FKBP5: variants seen among roughly 807,000 people sequenced by gnomAD.
The protein encoded by FKBP5 is peptidyl-prolyl cis-trans isomerase FKBP5.
A neutral mutation model predicts 50.5 loss-of-function variants in FKBP5; 23 were observed. The ratio of observed to expected loss-of-function variants is 0.46; its 90% CI spans 0.33 to 0.65. The LOEUF (loss-of-function observed/expected upper bound fraction) is 0.65, where lower values mean the gene tolerates loss of function less well. Among genes scored for constraint, FKBP5 ranks in the 30% least tolerant of loss-of-function variants. The probability of loss-of-function intolerance (pLI) is 0.02; values close to 1 mark genes in which losing one functional copy is unlikely to be tolerated. For missense variants in FKBP5, 411 were observed against 553.1 expected (o/e 0.74, Z 2.58); for synonymous variants, 176 against 190.6 (o/e 0.92, Z 0.63).
At chr6:35,704,869 C>A (rs370824644) in intron 2 of FKBP5, among the ~76,000 whole-genome samples, 3 of 151,684 alleles carry the variant, frequency 2.0e-5, no homozygotes, top group Non-Finnish European at 2.9e-5. Flanking sequence ...TGGCCGGGCG[C>A]GGTGGCTCAC....
upstream of FKBP5, among the ~76,000 whole-genome samples, chr6:35,690,715 G>C (rs973299071): frequency 6.6e-6 from 1 of 152,038 alleles, no homozygotes; most frequent in Non-Finnish European, 1.5e-5. Flanking sequence ...CTTAATAATA[G>C]CACATATTAG....
intron 8 of FKBP5, chr6:35,585,377 G>A: frequency 1.0e-6 from 1 of 980,582 alleles, no homozygotes; most frequent in Middle Eastern, 5.3e-4. Context: ...ACCTCAATTA[G>A]AATTAAAAAC....
intron 1 of FKBP5, among the ~76,000 whole-genome samples, chr6:35,679,779 G>A (rs1765618283): frequency 6.6e-6 from 1 of 152,080 alleles, no homozygotes; most frequent in Non-Finnish European, 1.5e-5. Context: ...GAAGAGGGCA[G>A]GGGAAAGGAA....
In FKBP5 at chr6:35,574,162, T is replaced by TATCA. The variant is rs1282162299; in HGVS notation, c.*1669_*1672dup. 2.6e-5 allele frequency: 4 copies of TATCA among 152,184 alleles called. No homozygotes were observed. Among genetic ancestry groups the TATCA allele is most frequent in the East Asian group, 1.9e-4 (1 of 5,198 alleles). 9.4% of individuals were successfully genotyped at this position (152,184 alleles called of 1,614,324 possible). A position where few individuals can be genotyped will look rare whatever the true frequency, so the allele number is the denominator to read the frequency against. On this transcript the variant is annotated 3_prime_UTR_variant, in exon 11 of 11. Coordinates refer to ENST00000357266, the MANE Select transcript of FKBP5 (RefSeq NM_004117.4). ...AATGAGAAATTAGAGGGATTTTAGT[T>TATCA]ATCATTAAAGGAAAAAACTCACAAA...
chr6:35,602,771 G>A (rs1421211382), intron 5 of FKBP5, among the ~76,000 whole-genome samples: 3 of 152,280 alleles, frequency 2.0e-5, no homozygotes, highest in Admixed American at 1.3e-4. Context: ...ATTGCTTACA[G>A]AACTGACGGA....
intron 6 of FKBP5, among the ~76,000 whole-genome samples, chr6:35,592,441 C>T (rs1462865618): frequency 1.3e-5 from 2 of 152,040 alleles, no homozygotes; most frequent in South Asian, 2.1e-4. Flanking sequence ...GAATGAGGAG[C>T]GGGGCAAAGG....
chr6:35,632,787 G>A (rs1401907847), intron 3 of FKBP5, among the ~76,000 whole-genome samples: 3 of 151,984 alleles, frequency 2.0e-5, no homozygotes, highest in African/African-American at 7.2e-5. Context: ...TACTTGGGAG[G>A]CTGAGGCAGG....
At chr6:35,685,910 A>T (rs1440009701) in intron 1 of FKBP5, among the ~76,000 whole-genome samples, 1 of 143,518 alleles carries the variant, frequency 7.0e-6, no homozygotes, top group East Asian at 2.2e-4. Context: ...TGAACCCGGG[A>T]GGCAGAGGTT....
At chr6:35,586,937 A>T (rs1180135709) in intron 8 of FKBP5, 97 bp downstream of exon 8, 1 of 1,582,390 alleles carries the variant, frequency 6.3e-7, no homozygotes, top group African/African-American at 1.3e-5. Context: ...CTTACCAAGC[A>T]GTGTTGACAA....
intron 1 of FKBP5, among the ~76,000 whole-genome samples, chr6:35,648,531 G>A (rs746730105): frequency 2.6e-5 from 4 of 151,852 alleles, no homozygotes; most frequent in African/African-American, 4.8e-5. Context: ...CTCCCACTTC[G>A]TCCTCTCAAA....
intron 1 of FKBP5, among the ~76,000 whole-genome samples, chr6:35,673,875 G>A (rs1020808711): frequency 6.6e-6 from 1 of 152,190 alleles, no homozygotes; most frequent in African/African-American, 2.4e-5. Context: ...ACACTGAGAT[G>A]AGAGTATAAA....
At chr6:35,612,652 C>T (rs2150973104) in intron 5 of FKBP5, among the ~76,000 whole-genome samples, 1 of 152,340 alleles carries the variant, frequency 6.6e-6, no homozygotes, top group East Asian at 1.9e-4. Context: ...AACTTACAAT[C>T]ATGGCAGAAG....
intron 3 of FKBP5, among the ~76,000 whole-genome samples, chr6:35,624,705 C>A (rs1763943887): frequency 6.6e-6 from 1 of 152,122 alleles, no homozygotes; most frequent in African/African-American, 2.4e-5. Context: ...CTAACAGCAT[C>A]CAATCGAGAA....
At chr6:35,681,572 T>G (rs1356019683) in intron 1 of FKBP5, among the ~76,000 whole-genome samples, 1 of 152,198 alleles carries the variant, frequency 6.6e-6, no homozygotes, top group Non-Finnish European at 1.5e-5. Flanking sequence ...ATGAACAGTA[T>G]TTCTGAGATT....
intron 1 of FKBP5, 28 bp from the exon 2 acceptor site, chr6:35,642,871 G>A: frequency 6.6e-7 from 1 of 1,508,790 alleles, no homozygotes; most frequent in Non-Finnish European, 9.1e-7. Context: ...ATTTTAGCTG[G>A]GAAAAATATC....
rs149430867 is a variant in FKBP5 at position 35,676,876 on chromosome 6, C to T, written c.-20+11928G>A. 6.9e-3 allele frequency among the ~76,000 whole-genome samples: 1,049 copies of T among 152,266 alleles called. 8 individuals carry two copies. Among genetic ancestry groups the T allele is most frequent in the Middle Eastern group, 0.017 (5 of 294 alleles). Reference sequence around the variant, plus strand: ...ATTTGGAAAGGAATCAGGCCCAAGACCCCTGGAAGCTAGACAACTGCTAGT... The same window carrying T: ...ATTTGGAAAGGAATCAGGCCCAAGATCCCTGGAAGCTAGACAACTGCTAGT... On this transcript the variant is annotated intron_variant, in intron 1 of 10. Transcript: ENST00000357266.
chr6:35,576,261 G>T (rs560547772), intron 10 of FKBP5, among the ~76,000 whole-genome samples: 1 of 152,232 alleles, frequency 6.6e-6, no homozygotes, highest in African/African-American at 2.4e-5. Flanking sequence ...TTTTCAGGCT[G>T]GCTGCCGACC....
chr6:35,685,299 T>C (rs1332516649), intron 1 of FKBP5, among the ~76,000 whole-genome samples: 6 of 152,182 alleles, frequency 3.9e-5, no homozygotes, highest in African/African-American at 7.2e-5. Flanking sequence ...CATTTGCAAA[T>C]TAAATTACAC....
intron 1 of FKBP5, among the ~76,000 whole-genome samples, chr6:35,668,466 A>C (rs1035868814): frequency 6.6e-6 from 1 of 152,256 alleles, no homozygotes; most frequent in African/African-American, 2.4e-5. Context: ...TAAATTGATT[A>C]TAATTAAGTG....
Sources: allele counts gnomAD v4.1 joint callset (sites outside exome capture counted in the v4.1 genomes callset), GRCh38; gene constraint gnomAD v4.1.1; transcripts MANE v1.5; gene names NCBI Gene and HGNC (gene_info 2026-07-23, HGNC 2026-07-21).